Variants in TMCO6 observed in about 807,000 individuals in gnomAD.
TMCO6 encodes the protein transmembrane and coiled-coil domains 6.
In TMCO6, 47 loss-of-function variants were observed where a neutral mutation model predicts 61.8. That is an observed-to-expected ratio of 0.76 (90% confidence interval 0.60 to 0.97). The LOEUF is 0.97. Ranked by LOEUF, TMCO6 falls within the 50% of genes least tolerant of loss-of-function variation. TMCO6 has a pLI of 0.00. For missense variants in TMCO6, 557 were observed against 601.6 expected (o/e 0.93, Z 0.78); for synonymous variants, 261 against 254.2 (o/e 1.03, Z -0.25).
At chr5:140,645,660 T>A, downstream of TMCO6, 1 of 1,614,192 alleles carries the variant, frequency 6.2e-7, no homozygotes, top group Non-Finnish European at 8.5e-7. Context: ...CAAAGGGACA[T>A]TCGTCTCTTG....
chr5:140,606,336 G>C, the TMCO6 span, among the ~76,000 whole-genome samples: 2 of 151,854 alleles, frequency 1.3e-5, no homozygotes, highest in African/African-American at 4.8e-5. Context: ...AAATTGTAGA[G>C]ATGGGGTCTG....
downstream of TMCO6, chr5:140,645,476 T>C (rs774895169): frequency 1.4e-6 from 2 of 1,419,812 alleles, no homozygotes; most frequent in African/African-American, 2.8e-5. Flanking sequence ...TGAGAAAGTA[T>C]TTTACAGCAC....
chr5:140,603,946 C>T, the TMCO6 span, among the ~76,000 whole-genome samples: 1,060 of 152,270 alleles, frequency 7.0e-3, 6 homozygotes, highest in Non-Finnish European at 9.5e-3. Flanking sequence ...CACCATTTTA[C>T]TTTCCCAATA....
At position 140,645,196 on chromosome 5, in the gene TMCO6, G is replaced by A; in HGVS notation, c.*98G>A. The A allele has an allele frequency of 1.6e-6, 2 of 1,249,358 alleles. No homozygotes were observed. Among genetic ancestry groups the A allele is most frequent in the Non-Finnish European group, 2.3e-6 (2 of 870,468 alleles). The allele number at this position is 1,249,358 out of a possible 1,614,324, so 77.4% of individuals were successfully genotyped here. On this transcript the variant is annotated 3_prime_UTR_variant, in exon 12 of 12. Transcript: ENST00000394671. ...ATTTAGGACCATAATGAGGTCTCAT[G>A]TTCTCTGCTCCCACACCTAAGCCAA... is the stretch of plus-strand genomic sequence containing the variant.
the TMCO6 span, among the ~76,000 whole-genome samples, chr5:140,621,580 C>T: frequency 2.6e-4 from 40 of 151,902 alleles, no homozygotes; most frequent in Non-Finnish European, 5.1e-4. Context: ...ATATGAAATC[C>T]GGGCACCTTG....
intron 4 of TMCO6, 123 bp downstream of exon 4, chr5:140,642,176 T>TAC: frequency 7.0e-7 from 1 of 1,429,668 alleles, no homozygotes; most frequent in Non-Finnish European, 9.6e-7. Context: ...CAGCCATGGC[T>TAC]ACACCCATCA....
the TMCO6 span, among the ~76,000 whole-genome samples, chr5:140,601,696 T>G: frequency 4.6e-5 from 7 of 152,234 alleles, no homozygotes; most frequent in Admixed American, 4.6e-4. Context: ...GTGTATTCCC[T>G]GTGCCAGCAG....
chr5:140,642,774 C>T lies in TMCO6; in HGVS notation c.689+103C>T. ...CCAAAGCTGTTGCACATTTTAAATT[C>T]ATGTGTCTGGCTAGGAAGGGCTTTG... On this transcript the variant is annotated intron_variant, in intron 6 of 11. Transcript: ENST00000394671. The T allele has an allele frequency of 1.9e-6, 3 of 1,580,418 alleles. No homozygotes were observed. In the South Asian group the frequency reaches 3.3e-5, roughly 18 times the overall value.
chr5:140,646,541 C>T (rs1419228620), downstream of TMCO6, among the ~76,000 whole-genome samples: 1 of 152,114 alleles, frequency 6.6e-6, no homozygotes, highest in African/African-American at 2.4e-5. Context: ...CCCGTCATTC[C>T]CAGGGCACCA....
chr5:140,626,230 CTTCT>C, the TMCO6 span, among the ~76,000 whole-genome samples: 2 of 107,098 alleles, frequency 1.9e-5, no homozygotes, highest in African/African-American at 7.2e-5. Flanking sequence ...TATGCCCAGT[CTTCT>C]TTTTTTTTTG....
chr5:140,606,819 C>G, the TMCO6 span, among the ~76,000 whole-genome samples: 2 of 152,102 alleles, frequency 1.3e-5, no homozygotes, highest in Non-Finnish European at 2.9e-5. Context: ...GTCCCAGCTA[C>G]TCGGGAGGCT....
At chr5:140,608,220 T>G in the TMCO6 span, among the ~76,000 whole-genome samples, 1 of 152,228 alleles carries the variant, frequency 6.6e-6, no homozygotes. Flanking sequence ...AGGTTTTAAT[T>G]TGCCTGTTTG....
chr5:140,647,571 C>T (rs1241930955), downstream of TMCO6: 4 of 1,610,210 alleles, frequency 2.5e-6, no homozygotes, highest in Non-Finnish European at 3.4e-6. Flanking sequence ...CGACTTGCTG[C>T]GGCCGCCGCC....
chr5:140,632,959 G>GCAA, the TMCO6 span: 1 of 1,614,126 alleles, frequency 6.2e-7, no homozygotes, highest in South Asian at 1.1e-5. This position sits in a 1 kb window ranked among gnomAD's most constrained non-coding sequence, Gnocchi z 6.2. Flanking sequence ...AGCAGCAGCA[G>GCAA]CAACAAGCAG....
chr5:140,645,153 C>T lies in TMCO6; in HGVS notation c.*55C>T. 6.5e-7 allele frequency: 1 copy of T among 1,547,698 alleles called. No homozygotes were observed. Among genetic ancestry groups the T allele is most frequent in the Non-Finnish European group, 8.9e-7 (1 of 1,121,954 alleles). ...CTCTCTTAACATCAAGCTTGTTTGTCCAGTAGAGCCTTTGGAGATTTAGGA... is the reference window on the plus strand; with the variant it reads ...CTCTCTTAACATCAAGCTTGTTTGTTCAGTAGAGCCTTTGGAGATTTAGGA... On this transcript the variant is annotated 3_prime_UTR_variant, in exon 12 of 12. Transcript: ENST00000394671.
At chr5:140,642,263 G>T in intron 4 of TMCO6, 52 bp from the exon 5 acceptor site, 1 of 1,517,906 alleles carries the variant, frequency 6.6e-7, no homozygotes, top group Non-Finnish European at 9.0e-7. Flanking sequence ...CTCCCCACAC[G>T]CAGCCTGGCA....
the TMCO6 span, among the ~76,000 whole-genome samples, chr5:140,629,296 C>CA: frequency 2.0e-5 from 3 of 150,762 alleles, no homozygotes; most frequent in African/African-American, 4.9e-5. Flanking sequence ...AAACAAAACC[C>CA]AAAAAACTAA....
the TMCO6 span, among the ~76,000 whole-genome samples, chr5:140,629,479 T>C: frequency 2.0e-5 from 3 of 152,202 alleles, no homozygotes; most frequent in African/African-American, 7.2e-5. Context: ...AAAAATATTG[T>C]ATAAAGTTAT....
chr5:140,644,211 C>G lies in TMCO6; in HGVS notation c.1200+17C>G, dbSNP rs776458883. 5.0e-5 allele frequency: 81 copies of G among 1,611,170 alleles called. 1 individual carries two copies. In the South Asian group the frequency reaches 8.8e-4, roughly 17 times the overall value. On this transcript the variant is annotated intron_variant, in intron 10 of 11. Transcript: ENST00000394671. ...AGCGTAATGGTATGTATTGGGGTTA[C>G]TTGAATCCAAGATCTGGTAGTCGGA...
Sources: gnomAD v4.1 joint callset for allele counts (sites outside exome capture counted in the v4.1 genomes callset) on GRCh38, gnomAD v4.1.1 for gene constraint, Gnocchi (gnomAD v3.1) non-coding constraint, MANE v1.5 for transcripts, NCBI Gene and HGNC (gene_info 2026-07-23, HGNC 2026-07-21) for gene names.